SMARCC1: variants seen among roughly 807,000 people sequenced by gnomAD.
The protein encoded by SMARCC1 is SWI/SNF complex subunit SMARCC1.
In SMARCC1, 43 loss-of-function variants were observed where a neutral mutation model predicts 147.4. That is an observed-to-expected ratio of 0.29 (90% CI 0.23 to 0.38). SMARCC1 has a LOEUF of 0.38. Ranked by LOEUF, SMARCC1 falls within the 10% of genes least tolerant of loss-of-function variation. SMARCC1 has a pLI of 1.00. For missense variants in SMARCC1, 1,119 were observed against 1,381.1 expected (o/e 0.81, Z 3.01); for synonymous variants, 495 against 484.4 (o/e 1.02, Z -0.29).
chr3:47,662,706 A>C (rs1429276324), intron 19 of SMARCC1, 114 bp from the exon 20 acceptor site: 5 of 811,516 alleles, frequency 6.2e-6, no homozygotes, highest in Non-Finnish European at 9.9e-6. Context: ...TTTATGCATA[A>C]ATAGAAAGAT....
intron 25 of SMARCC1, 22 bp downstream of exon 25, chr3:47,622,185 C>T (rs2032744470): frequency 1.3e-6 from 2 of 1,591,702 alleles, no homozygotes; most frequent in East Asian, 2.3e-5. Flanking sequence ...GAAAAAGCCA[C>T]TAAAAAATTC....
chr3:47,699,059 A>G (rs1237446087), intron 11 of SMARCC1, among the ~76,000 whole-genome samples: 2 of 152,242 alleles, frequency 1.3e-5, no homozygotes, highest in Non-Finnish European at 2.9e-5. Flanking sequence ...AGACCTAACT[A>G]TAAAAGCAGA....
chr3:47,587,301 C>T lies in SMARCC1; in HGVS notation c.*908G>A, dbSNP rs2032086667. On this transcript the variant is annotated 3_prime_UTR_variant, in exon 28 of 28. Coordinates refer to ENST00000254480, the MANE Select transcript of SMARCC1 (RefSeq NM_003074.4). ...TGCACACAAAGCAGTGAATAGTAGG[C>T]TAGACTCATTGGGGGTAATTACCCT... 4.2e-5 allele frequency: 1 copy of T among 23,748 alleles called. No homozygotes were observed. The highest frequency in any genetic ancestry group is 1.2e-4 in the African/African-American group (1 of 8,238). The allele number at this position is 23,748 out of a possible 1,614,324, so 1.5% of individuals were successfully genotyped here. A position where few individuals can be genotyped will look rare whatever the true frequency, so the allele number is the denominator to read the frequency against.
At chr3:47,776,784 CTTTT>C (rs890639988) in intron 1 of SMARCC1, among the ~76,000 whole-genome samples, 1 of 151,034 alleles carries the variant, frequency 6.6e-6, no homozygotes, top group African/African-American at 2.4e-5. Flanking sequence ...TATATTTTTT[CTTTT>C]TTTTAAACCG....
rs775759680 is a variant in SMARCC1, at chr3:47,671,173, C to CAAAAAAA, written c.1840-463_1840-457dup. ...CCTGGGCAACAGAGCGAGACTATCT[C>CAAAAAAA]AAAAAAAAAAAAAAAAAAAAAAAAA... On this transcript the variant is annotated intron_variant, in intron 18 of 27. Coordinates refer to ENST00000254480, the MANE Select transcript of SMARCC1 (RefSeq NM_003074.4). 9.9e-4 allele frequency among the ~76,000 whole-genome samples: 29 copies of CAAAAAAA among 29,226 alleles called. 2 individuals are homozygous for CAAAAAAA. The highest frequency in any genetic ancestry group is 2.2e-3 in the East Asian group (2 of 896). The allele number at this position is 29,226 out of a possible 152,430, so 19.2% of individuals were successfully genotyped here.
intron 21 of SMARCC1, among the ~76,000 whole-genome samples, chr3:47,652,949 CTT>C (rs55872948): frequency 1.5e-5 from 2 of 129,652 alleles, no homozygotes; most frequent in Non-Finnish European, 1.6e-5. Flanking sequence ...GCTTTACTTT[CTT>C]TTTTTTTTTT....
chr3:47,779,546 C>G (rs2035016917), intron 1 of SMARCC1, among the ~76,000 whole-genome samples: 1 of 152,170 alleles, frequency 6.6e-6, no homozygotes, highest in Non-Finnish European at 1.5e-5. Flanking sequence ...CCTGAGAAGT[C>G]AAAGGTAACT....
intron 25 of SMARCC1, among the ~76,000 whole-genome samples, chr3:47,615,124 C>T (rs2032620283): frequency 1.3e-5 from 2 of 151,482 alleles, no homozygotes; most frequent in Admixed American, 6.6e-5. Context: ...CACTCCTAAT[C>T]CCCCCGACTC....
intron 21 of SMARCC1, among the ~76,000 whole-genome samples, chr3:47,660,037 T>C (rs2106733655): frequency 6.6e-6 from 1 of 152,292 alleles, no homozygotes; most frequent in Non-Finnish European, 1.5e-5. Flanking sequence ...AATTACCATA[T>C]AACTCAGCAA....
Position 47,689,443 on chromosome 3 carries a change from C to T in SMARCC1, c.1226-19G>A, listed in dbSNP as rs766104237. ...TGCTCATCTGCAAAACCAAAACACA[C>T]AATTCATTTTAAAAACAGGTAAATG... On this transcript the variant is annotated intron_variant, in intron 12 of 27. Transcript: ENST00000254480. 7 of 1,606,708 alleles carry T rather than the reference C, an allele frequency of 4.4e-6. No individual in the cohort carries two copies. Among genetic ancestry groups the T allele is most frequent in the Middle Eastern group, 1.7e-4 (1 of 6,056 alleles).
chr3:47,706,594 G>T, intron 9 of SMARCC1, 64 bp from the exon 10 acceptor site: 1 of 1,417,962 alleles, frequency 7.1e-7, no homozygotes, highest in Non-Finnish European at 9.3e-7. Flanking sequence ...ACAAATCCTT[G>T]GCAAAAGGTG....
At chr3:47,733,993 G>GT (rs2034410454) in intron 5 of SMARCC1, among the ~76,000 whole-genome samples, 1 of 150,428 alleles carries the variant, frequency 6.6e-6, no homozygotes. Flanking sequence ...ATATACATAT[G>GT]TATGTATATC....
intron 19 of SMARCC1, among the ~76,000 whole-genome samples, chr3:47,669,405 T>G (rs985303129): frequency 3.9e-5 from 6 of 152,160 alleles, no homozygotes; most frequent in African/African-American, 1.4e-4. Flanking sequence ...GATTCCAAAA[T>G]AGCAATACAA....
chr3:47,722,695 T>C (rs1166606203), intron 6 of SMARCC1, among the ~76,000 whole-genome samples: 1 of 152,222 alleles, frequency 6.6e-6, no homozygotes, highest in African/African-American at 2.4e-5. Flanking sequence ...GCTCGCTCTC[T>C]TCCCAGGTAT....
At chr3:47,609,991 G>A (rs1158573931) in intron 26 of SMARCC1, 75 bp downstream of exon 26, 43 of 1,485,568 alleles carry the variant, frequency 2.9e-5, no homozygotes, top group Non-Finnish European at 3.9e-5. Context: ...CACCAACTGT[G>A]TGGTTGGCCC....
chr3:47,714,630 C>CA (rs138763236), intron 7 of SMARCC1, 140 bp from the exon 8 acceptor site: 10 of 563,222 alleles, frequency 1.8e-5, no homozygotes, highest in Non-Finnish European at 3.2e-5. Context: ...GCGTCTCTAC[C>CA]AAAAAATACA....
chr3:47,710,825 G>A lies in SMARCC1; in HGVS notation c.793-17C>T. ...CACATGAACCTAAAACCATATCAAA[G>A]CATCAATATCTACATAAATAACAAA... On this transcript the variant is annotated splice_polypyrimidine_tract_variant and intron_variant, in intron 8 of 27. Coordinates refer to ENST00000254480, the MANE Select transcript of SMARCC1 (RefSeq NM_003074.4). 1.3e-6 allele frequency: 2 copies of A among 1,587,744 alleles called. No individual in the cohort carries two copies. Among genetic ancestry groups the A allele is most frequent in the Non-Finnish European group, 8.6e-7 (1 of 1,167,968 alleles).
At chr3:47,677,560 T>G (rs1576408359) in intron 16 of SMARCC1, among the ~76,000 whole-genome samples, 2 of 149,548 alleles carry the variant, frequency 1.3e-5, no homozygotes, top group African/African-American at 5.0e-5. Context: ...TATTTTGTGT[T>G]TTTTTTTTTG....
intron 3 of SMARCC1, among the ~76,000 whole-genome samples, chr3:47,738,923 T>G (rs1165710323): frequency 6.6e-6 from 1 of 152,240 alleles, no homozygotes. Context: ...TAACAAGTAC[T>G]GTTTTCCTAA....
Sources: gnomAD v4.1 joint callset for allele counts (sites outside exome capture counted in the v4.1 genomes callset) on GRCh38, gnomAD v4.1.1 for gene constraint, MANE v1.5 for transcripts, NCBI Gene and HGNC (gene_info 2026-07-23, HGNC 2026-07-21) for gene names.